The following LDB2 variants were observed in gnomAD, a reference collection of about 807,000 sequenced individuals.
The protein encoded by LDB2 is LIM domain binding 2.
LDB2 carries 12 observed loss-of-function variants against 44.3 expected under a neutral mutation model. That is an observed-to-expected ratio of 0.27 (90% confidence interval 0.17 to 0.44). LDB2 has a LOEUF of 0.44. LDB2 is among the 20% of genes least tolerant of loss of function. LDB2 has a pLI of 1.00. For synonymous variants in LDB2, 164 were observed against 174.8 expected (o/e 0.94, Z 0.49); for missense variants, 344 against 473.5 (o/e 0.73, Z 2.54).
chr4:16,610,125 C>T (rs1428631021), intron 2 of LDB2, among the ~76,000 whole-genome samples: 4 of 151,772 alleles, frequency 2.6e-5, no homozygotes, highest in Non-Finnish European at 4.4e-5. Context: ...AGGGAGTTGA[C>T]TATTGAAAGA....
At chr4:16,896,743 T>G (rs948371166) in intron 1 of LDB2, among the ~76,000 whole-genome samples, 3 of 152,224 alleles carry the variant, frequency 2.0e-5, no homozygotes, top group Non-Finnish European at 4.4e-5. Flanking sequence ...TAAGACATTT[T>G]CTATCCTCCT....
At chr4:16,886,254 C>G (rs1044879234) in intron 1 of LDB2, among the ~76,000 whole-genome samples, 1 of 151,938 alleles carries the variant, frequency 6.6e-6, no homozygotes, top group Non-Finnish European at 1.5e-5. Context: ...AAGCTGATCT[C>G]AAATCATGGT....
At chr4:16,749,066 C>A (rs1412707445) in intron 2 of LDB2, among the ~76,000 whole-genome samples, 1 of 152,118 alleles carries the variant, frequency 6.6e-6, no homozygotes, top group African/African-American at 2.4e-5. Context: ...TGAAATTATA[C>A]CCAGTAAGAT....
chr4:16,559,457 A>G (rs1741169618), intron 5 of LDB2, among the ~76,000 whole-genome samples: 1 of 152,186 alleles, frequency 6.6e-6, no homozygotes, highest in Non-Finnish European at 1.5e-5. Flanking sequence ...CAAAGATCAA[A>G]AGAGACAAAG....
intron 1 of LDB2, among the ~76,000 whole-genome samples, chr4:16,808,972 C>T (rs1404917006): frequency 6.6e-6 from 1 of 152,004 alleles, no homozygotes; most frequent in Non-Finnish European, 1.5e-5. Context: ...ATTTTGTGGC[C>T]CTGTTTTAAG....
intron 2 of LDB2, among the ~76,000 whole-genome samples, chr4:16,703,453 G>A (rs1753939622): frequency 6.6e-6 from 1 of 152,206 alleles, no homozygotes; most frequent in South Asian, 2.1e-4. Flanking sequence ...TCATTGTCAT[G>A]GCCAGTTTTT....
chr4:16,845,760 G>T (rs1034137920), intron 1 of LDB2, among the ~76,000 whole-genome samples: 1 of 152,032 alleles, frequency 6.6e-6, no homozygotes, highest in African/African-American at 2.4e-5. Flanking sequence ...CTAATTTATG[G>T]GGATATTAAT....
chr4:16,681,012 G>A (rs1471690679), intron 2 of LDB2, among the ~76,000 whole-genome samples: 1 of 152,260 alleles, frequency 6.6e-6, no homozygotes, highest in Admixed American at 6.5e-5. Context: ...CTGGCCCTTG[G>A]TTATTCAATA....
intron 3 of LDB2, among the ~76,000 whole-genome samples, chr4:16,592,057 A>T (rs1719170471): frequency 6.6e-6 from 1 of 152,160 alleles, no homozygotes; most frequent in African/African-American, 2.4e-5. Context: ...ATCCCAGCAG[A>T]CACACTCTAA....
intron 2 of LDB2, among the ~76,000 whole-genome samples, chr4:16,596,473 TGTAA>T (rs756123097): frequency 1.4e-4 from 21 of 152,246 alleles, no homozygotes; most frequent in Admixed American, 3.9e-4. Flanking sequence ...TCACGTGACT[TGTAA>T]GTAAGTATTT....
chr4:16,625,062 C>T (rs975595319), intron 2 of LDB2, among the ~76,000 whole-genome samples: 2 of 152,104 alleles, frequency 1.3e-5, no homozygotes, highest in African/African-American at 2.4e-5. Context: ...TTGCAAGGAT[C>T]TTTCATGACC....
Position 16,883,049 on chromosome 4 carries a change from A to T in LDB2, c.132+15305T>A, listed in dbSNP as rs540996977. ...AAAAACAACCATCGAGCCTTCCTTT[A>T]TGTGCGGGTTTTAAGACAATGGTTC... is the stretch of plus-strand genomic sequence containing the variant. On this transcript the variant is annotated intron_variant, in intron 1 of 7. Coordinates refer to ENST00000304523, the MANE Select transcript of LDB2 (RefSeq NM_001290.5). Among the ~76,000 whole-genome samples the T allele has an allele frequency of 4.6e-5, 7 of 152,332 alleles. No homozygotes were observed. The East Asian group carries it at 1.4e-3, about 29-fold the overall frequency.
At chr4:16,580,256 G>C (rs1484090601) in intron 5 of LDB2, among the ~76,000 whole-genome samples, 2 of 152,150 alleles carry the variant, frequency 1.3e-5, no homozygotes, top group Non-Finnish European at 2.9e-5. Context: ...GGATCACAGA[G>C]GGCTTTGTGT....
chr4:16,570,461 T>C (rs1445665755), intron 5 of LDB2, among the ~76,000 whole-genome samples: 5 of 3,820 alleles, frequency 1.3e-3, no homozygotes, highest in African/African-American at 2.4e-3. Context: ...AGACTCTGTC[T>C]CAAAAAAAAA....
At chr4:16,561,622 T>C (rs979711114) in intron 5 of LDB2, among the ~76,000 whole-genome samples, 1 of 152,024 alleles carries the variant, frequency 6.6e-6, no homozygotes, top group African/African-American at 2.4e-5. Flanking sequence ...AGAATCAATA[T>C]CCTGAAAATG....
chr4:16,736,475 G>A (rs919504115), intron 2 of LDB2, among the ~76,000 whole-genome samples: 2 of 152,140 alleles, frequency 1.3e-5, no homozygotes, highest in African/African-American at 4.8e-5. Context: ...AACATTTCGG[G>A]AGCACTTTGA....
At chr4:16,512,300 A>G (rs1722038117) in intron 5 of LDB2, 196 bp from the exon 6 acceptor site, 2 of 521,152 alleles carry the variant, frequency 3.8e-6, no homozygotes, top group African/African-American at 1.9e-5. Context: ...CATTTATAAT[A>G]TATTACAGCT....
intron 1 of LDB2, among the ~76,000 whole-genome samples, chr4:16,820,994 A>T (rs1781857601): frequency 6.6e-6 from 1 of 152,146 alleles, no homozygotes; most frequent in South Asian, 2.1e-4. Context: ...AGTTTTTTTT[A>T]ACTTTTTATT....
intron 2 of LDB2, among the ~76,000 whole-genome samples, chr4:16,648,444 T>A (rs555863067): frequency 6.6e-6 from 1 of 152,224 alleles, no homozygotes; most frequent in Non-Finnish European, 1.5e-5. Context: ...TACATTTTCA[T>A]CCCTACCTGT....
Sources: allele counts gnomAD v4.1 joint callset (sites outside exome capture counted in the v4.1 genomes callset), GRCh38; gene constraint gnomAD v4.1.1; transcripts MANE v1.5; gene names NCBI Gene and HGNC (gene_info 2026-07-23, HGNC 2026-07-21).